Variants in TEX9 observed in about 807,000 individuals in gnomAD.
The protein encoded by TEX9 is testis expressed 9, also known as testis-expressed protein 9.
In TEX9, 74 loss-of-function variants were observed where a neutral mutation model predicts 59.6. That is an observed-to-expected ratio of 1.24 (90% confidence interval 1.03 to 1.51). TEX9 has a LOEUF of 1.51. Ranked by LOEUF, TEX9 falls within the 40% of genes most tolerant of loss-of-function variation. TEX9 has a pLI of 0.00. For synonymous variants in TEX9, 186 were observed against 152.2 expected, an observed-to-expected ratio of 1.22 and a Z score of -1.64; for missense variants, 522 against 447.8, an observed-to-expected ratio of 1.17 and a Z score of -1.49.
upstream of TEX9, chr15:56,365,424 T>C: frequency 3.7e-6 from 6 of 1,606,538 alleles, no homozygotes; most frequent in Non-Finnish European, 5.1e-6. Flanking sequence ...CGTCGTTGCC[T>C]CGGTAACCGC....
intron 1 of TEX9, among the ~76,000 whole-genome samples, chr15:56,303,152 C>A (rs911541525): frequency 2.6e-5 from 4 of 152,122 alleles, no homozygotes; most frequent in African/African-American, 9.7e-5. Flanking sequence ...ACAGATCATC[C>A]AGGTAGAAAA....
At chr15:56,445,985 C>T (rs2050899006), downstream of TEX9, 1 of 152,050 alleles carries the variant, frequency 6.6e-6, no homozygotes, top group African/African-American at 2.4e-5. Flanking sequence ...AAAGGTATTC[C>T]TGTTAACAGC....
intron 1 of TEX9, among the ~76,000 whole-genome samples, chr15:56,340,937 A>G (rs1481793182): frequency 6.6e-6 from 1 of 152,046 alleles, no homozygotes; most frequent in Non-Finnish European, 1.5e-5. Context: ...CTGCAGGCCC[A>G]TAGGGTTCGG....
intron 9 of TEX9, chr15:56,409,949 C>T (rs763685254): frequency 2.0e-4 from 30 of 152,078 alleles, no homozygotes; most frequent in Non-Finnish European, 3.7e-4. Flanking sequence ...TTACATATGT[C>T]TATGTGTATA....
At chr15:56,301,871 G>A (rs2045367083) in intron 1 of TEX9, among the ~76,000 whole-genome samples, 1 of 152,088 alleles carries the variant, frequency 6.6e-6, no homozygotes, top group Admixed American at 6.6e-5. Flanking sequence ...CAATGGTAAC[G>A]GTAAGTACAG....
intron 9 of TEX9, 120 bp from the exon 10 acceptor site, chr15:56,412,182 G>T: frequency 1.1e-6 from 1 of 875,654 alleles, no homozygotes; most frequent in Non-Finnish European, 1.7e-6. Flanking sequence ...GCGTGTGTGT[G>T]TGTGTGTGTG....
intron 1 of TEX9, among the ~76,000 whole-genome samples, chr15:56,328,739 G>T (rs1350179871): frequency 1.3e-5 from 2 of 152,044 alleles, no homozygotes; most frequent in African/African-American, 4.8e-5. Flanking sequence ...TGGGTCTCAT[G>T]GTTTGAGTGC....
chr15:56,436,010 C>G (rs1388405257), intron 12 of TEX9, among the ~76,000 whole-genome samples: 1 of 151,976 alleles, frequency 6.6e-6, no homozygotes, highest in Non-Finnish European at 1.5e-5. Context: ...ATGTAATATA[C>G]TTGGCTAAAG....
At chr15:56,284,628 C>G (rs1185980871) in intron 1 of TEX9, among the ~76,000 whole-genome samples, 1 of 152,110 alleles carries the variant, frequency 6.6e-6, no homozygotes, top group African/African-American at 2.4e-5. Flanking sequence ...AAATCAAACT[C>G]ATTTCTCTCT....
chr15:56,304,914 G>T (rs2045442802), intron 1 of TEX9, among the ~76,000 whole-genome samples: 1 of 152,112 alleles, frequency 6.6e-6, no homozygotes, highest in Non-Finnish European at 1.5e-5. Context: ...GTAGAAATGG[G>T]GTGTTGCCAT....
At chr15:56,261,825 T>C (rs1313593088) in intron 1 of TEX9, among the ~76,000 whole-genome samples, 8 of 152,198 alleles carry the variant, frequency 5.3e-5, no homozygotes, top group African/African-American at 1.9e-4. Flanking sequence ...TTACAGCCTC[T>C]TCCCTTGGAG....
At chr15:56,310,096 C>G (rs1289916914) in intron 1 of TEX9, among the ~76,000 whole-genome samples, 8 of 152,142 alleles carry the variant, frequency 5.3e-5, no homozygotes, top group African/African-American at 1.9e-4. Flanking sequence ...TTAAGGGAGA[C>G]TAGGGCCATC....
Position 56,427,744 on chromosome 15 carries a change from G to A in TEX9, c.1098+5G>A. ...GATGTTTTAAAAAGGCAAAAGGTGAGTCTATCATTAAAGTTAAATCATCAT... is the reference window on the plus strand; with the variant it reads ...GATGTTTTAAAAAGGCAAAAGGTGAATCTATCATTAAAGTTAAATCATCAT... On this transcript the variant is annotated splice_donor_5th_base_variant and intron_variant, in intron 11 of 12. Coordinates refer to ENST00000352903, the Ensembl canonical transcript of TEX9. 1 of 1,455,914 alleles carries A rather than the reference G, an allele frequency of 6.9e-7. No individual in the cohort carries two copies. The highest frequency in any genetic ancestry group is 9.1e-7 in the Non-Finnish European group (1 of 1,096,922). The allele number at this position is 1,455,914 out of a possible 1,614,324, so 90.2% of individuals were successfully genotyped here. A position where few individuals can be genotyped will look rare whatever the true frequency, so the allele number is the denominator to read the frequency against.
intron 1 of TEX9, among the ~76,000 whole-genome samples, chr15:56,337,799 C>T (rs1341251628): frequency 6.6e-6 from 1 of 152,154 alleles, no homozygotes; most frequent in African/African-American, 2.4e-5. Flanking sequence ...TTTTGGTTTT[C>T]TTCCTATATA....
At chr15:56,387,729 A>G (rs1303090557) in intron 4 of TEX9, among the ~76,000 whole-genome samples, 4 of 151,896 alleles carry the variant, frequency 2.6e-5, no homozygotes, top group Non-Finnish European at 4.4e-5. Flanking sequence ...GCAGATAGCA[A>G]ATATTTTTAG....
intron 1 of TEX9, among the ~76,000 whole-genome samples, chr15:56,326,711 G>A (rs1479223399): frequency 6.6e-6 from 1 of 152,138 alleles, no homozygotes; most frequent in East Asian, 1.9e-4. Context: ...ATGGAGAAAC[G>A]CTGGGAGATG....
chr15:56,266,657 C>T lies in TEX9; in HGVS notation c.-107+22379C>T, dbSNP rs978938054. ...CATGTCGCTACAAAGGACATGAAGTCATCCTTTTTTATGGTTGCATAGTAT... is the reference window on the plus strand; with the variant it reads ...CATGTCGCTACAAAGGACATGAAGTTATCCTTTTTTATGGTTGCATAGTAT... On this transcript the variant is annotated intron_variant, in intron 1 of 5. Transcript: ENST00000560827. Among the ~76,000 whole-genome samples the T allele has an allele frequency of 1.1e-4, 16 of 152,246 alleles. 1 individual carries two copies. The highest frequency in any genetic ancestry group is 1.0e-3 in the South Asian group (5 of 4,818).
At chr15:56,340,102 C>T (rs756947543) in intron 1 of TEX9, among the ~76,000 whole-genome samples, 8 of 152,128 alleles carry the variant, frequency 5.3e-5, no homozygotes, top group Non-Finnish European at 1.0e-4. Context: ...TAATCTTTGC[C>T]ATTCCCCCTA....
chr15:56,444,586 TGTTTC>T, intron 12 of TEX9: 1 of 1,613,406 alleles, frequency 6.2e-7, no homozygotes. Flanking sequence ...GCTTTCGCTT[TGTTTC>T]GTTTGTCTTC....
Sources: allele counts gnomAD v4.1 joint callset (sites outside exome capture counted in the v4.1 genomes callset), GRCh38; gene constraint gnomAD v4.1.1; transcripts MANE v1.5; gene names NCBI Gene and HGNC (gene_info 2026-07-23, HGNC 2026-07-21).